The following MKLN1 variants were observed in gnomAD, a reference collection of about 807,000 sequenced individuals.
The protein encoded by MKLN1 is muskelin.
In MKLN1, 18 loss-of-function variants were observed where a neutral mutation model predicts 99.0. The ratio of observed to expected loss-of-function variants is 0.18; its 90% confidence interval spans 0.13 to 0.27. The LOEUF (loss-of-function observed/expected upper bound fraction) is 0.27, where lower values mean the gene tolerates loss of function less well. Among genes scored for constraint, MKLN1 ranks in the 10% least tolerant of loss-of-function variants. The pLI is 1.00. For synonymous variants in MKLN1, 288 were observed against 293.2 expected, an observed-to-expected ratio of 0.98 and a Z score of 0.18; for missense variants, 621 against 875.9, an observed-to-expected ratio of 0.71 and a Z score of 3.67.
At chr7:131,152,863 C>T (rs944589851) in intron 2 of MKLN1, among the ~76,000 whole-genome samples, 1 of 151,698 alleles carries the variant, frequency 6.6e-6, no homozygotes, top group African/African-American at 2.4e-5. Context: ...AATTTAAATC[C>T]CTTAAATCTC....
intron 6 of MKLN1, among the ~76,000 whole-genome samples, chr7:131,399,824 A>C (rs952086316): frequency 6.6e-6 from 1 of 152,188 alleles, no homozygotes; most frequent in African/African-American, 2.4e-5. Flanking sequence ...AATTATATAT[A>C]AGGAACAAGG....
intron 1 of MKLN1, among the ~76,000 whole-genome samples, chr7:131,345,266 C>T (rs1384113783): frequency 1.3e-5 from 2 of 152,088 alleles, no homozygotes; most frequent in African/African-American, 2.4e-5. Context: ...GGAATTTTTA[C>T]GATTTTGGAA....
At chr7:131,201,047 T>G (rs1796719652) in intron 2 of MKLN1, among the ~76,000 whole-genome samples, 1 of 151,996 alleles carries the variant, frequency 6.6e-6, no homozygotes, top group African/African-American at 2.4e-5. Context: ...GGAGACAGAG[T>G]CTTGCTCTGT....
At chr7:131,205,997 G>A (rs563853802) in intron 3 of MKLN1, among the ~76,000 whole-genome samples, 21 of 151,344 alleles carry the variant, frequency 1.4e-4, no homozygotes, top group African/African-American at 4.6e-4. Flanking sequence ...GGGTTCAAGC[G>A]ATTCTCCTGT....
At chr7:131,447,919 C>G (rs985855949) in intron 12 of MKLN1, among the ~76,000 whole-genome samples, 2 of 152,142 alleles carry the variant, frequency 1.3e-5, no homozygotes, top group African/African-American at 4.8e-5. Context: ...TGCTAAACTA[C>G]TGCCCAAGAT....
chr7:131,269,669 T>C (rs1797856596), intron 3 of MKLN1, among the ~76,000 whole-genome samples: 2 of 152,244 alleles, frequency 1.3e-5, no homozygotes, highest in African/African-American at 4.8e-5. Flanking sequence ...TTGCACTCTT[T>C]CTTCCTGTTT....
chr7:131,427,294 TGGCAA>T (rs1795385345), intron 8 of MKLN1, among the ~76,000 whole-genome samples: 4 of 152,228 alleles, frequency 2.6e-5, no homozygotes. Flanking sequence ...ACTCTGTGAA[TGGCAA>T]AAGGTTTTCT....
chr7:131,204,929 G>A (rs1294612831), intron 3 of MKLN1, among the ~76,000 whole-genome samples: 15 of 71,226 alleles, frequency 2.1e-4, no homozygotes, highest in African/African-American at 8.7e-4. Flanking sequence ...GCAAGACTCC[G>A]TATCAAAAAA....
rs111759664 is a variant in MKLN1 at position 131,444,377 on chromosome 7, G to A, written c.1395+675G>A. ...GGTGATCCACCCGCCTCTGCCTTCT[G>A]CGGTGTTGGGATTACAGGCATGAGC... On this transcript the variant is annotated intron_variant, in intron 11 of 17. Coordinates refer to ENST00000352689, the MANE Select transcript of MKLN1 (RefSeq NM_013255.5). Among the ~76,000 whole-genome samples, 544 of 151,872 alleles carry A rather than the reference G, an allele frequency of 3.6e-3. 2 individuals are homozygous for A. Among genetic ancestry groups the A allele is most frequent in the African/African-American group, 0.012 (517 of 41,494 alleles).
At chr7:131,144,210 C>T (rs763684087) in intron 2 of MKLN1, among the ~76,000 whole-genome samples, 4 of 152,014 alleles carry the variant, frequency 2.6e-5, no homozygotes, top group South Asian at 2.1e-4. Flanking sequence ...TTCTTTTGGC[C>T]GGGCTCAGTG....
At chr7:131,169,316 TTCAATC>T (rs772671560) in intron 2 of MKLN1, among the ~76,000 whole-genome samples, 32 of 152,264 alleles carry the variant, frequency 2.1e-4, no homozygotes, top group Non-Finnish European at 4.4e-4. Flanking sequence ...AACAGAATAA[TTCAATC>T]TGAAACTCGT....
chr7:131,245,186 T>C (rs1797467094), intron 3 of MKLN1, among the ~76,000 whole-genome samples: 1 of 152,010 alleles, frequency 6.6e-6, no homozygotes, highest in Admixed American at 6.6e-5. Context: ...AAAATGGTGA[T>C]ACAGTCAAGT....
intron 3 of MKLN1, among the ~76,000 whole-genome samples, chr7:131,209,890 T>C (rs1419356174): frequency 1.3e-5 from 2 of 152,094 alleles, no homozygotes; most frequent in Admixed American, 6.6e-5. Context: ...ATCTTCTGAC[T>C]GTAAGACAAA....
chr7:131,148,639 G>A (rs527402031), intron 2 of MKLN1, among the ~76,000 whole-genome samples: 43 of 152,160 alleles, frequency 2.8e-4, no homozygotes, highest in African/African-American at 9.2e-4. Context: ...CAGGCGTGGT[G>A]GTGCACAGCT....
intron 1 of MKLN1, among the ~76,000 whole-genome samples, chr7:131,357,431 T>C (rs1051462383): frequency 2.2e-4 from 33 of 152,324 alleles, no homozygotes; most frequent in African/African-American, 7.0e-4. Flanking sequence ...TACTGTACTT[T>C]GGAAAGAAGC....
intron 3 of MKLN1, among the ~76,000 whole-genome samples, chr7:131,249,931 T>C (rs897261997): frequency 2.6e-5 from 4 of 152,144 alleles, no homozygotes; most frequent in Admixed American, 6.5e-5. Flanking sequence ...TAACTGACTT[T>C]CTGTCAGGGA....
chr7:131,153,407 G>A (rs913451316), intron 2 of MKLN1, among the ~76,000 whole-genome samples: 13 of 151,980 alleles, frequency 8.6e-5, no homozygotes, highest in African/African-American at 3.1e-4. Flanking sequence ...AACCCAAGCA[G>A]TTTTTGATAG....
chr7:131,179,510 C>T lies in MKLN1; in HGVS notation c.-296-23347C>T, dbSNP rs148110170. 2.9e-3 allele frequency among the ~76,000 whole-genome samples: 434 copies of T among 152,140 alleles called. 2 individuals are homozygous for T. The highest frequency in any genetic ancestry group is 9.8e-3 in the African/African-American group (407 of 41,504). Reference sequence around the variant, plus strand: ...AATAATTATGACTAATACTGTAATACGCTTTGTGGCTTGCTATCTCCATTG... The same window carrying T: ...AATAATTATGACTAATACTGTAATATGCTTTGTGGCTTGCTATCTCCATTG... On this transcript the variant is annotated intron_variant, in intron 2 of 7. Transcript: ENST00000416992.
intron 1 of MKLN1, among the ~76,000 whole-genome samples, chr7:131,127,896 A>G (rs1024534358): frequency 6.6e-6 from 1 of 152,196 alleles, no homozygotes; most frequent in African/African-American, 2.4e-5. Flanking sequence ...GATGCTGAGT[A>G]TATTTGTTTT....
Sources: gnomAD v4.1 joint callset for allele counts (sites outside exome capture counted in the v4.1 genomes callset) on GRCh38, gnomAD v4.1.1 for gene constraint, MANE v1.5 for transcripts, NCBI Gene and HGNC (gene_info 2026-07-23, HGNC 2026-07-21) for gene names.